BANK1: variants seen among roughly 807,000 people sequenced by gnomAD.
BANK1 encodes B cell scaffold protein with ankyrin repeats 1.
In BANK1, 95 loss-of-function variants were observed where a neutral mutation model predicts 94.5. The ratio of observed to expected loss-of-function variants is 1.00; its 90% confidence interval spans 0.85 to 1.19. The LOEUF (loss-of-function observed/expected upper bound fraction) is 1.19, where lower values mean the gene tolerates loss of function less well. Among genes scored for constraint, BANK1 ranks in the 50% most tolerant of loss-of-function variants. The pLI is 0.00. For missense variants in BANK1, 987 were observed against 932.2 expected, an observed-to-expected ratio of 1.06 and a Z score of -0.77; for synonymous variants, 334 against 308.4, an observed-to-expected ratio of 1.08 and a Z score of -0.87.
At chr4:101,955,690 A>G (rs568267808) in intron 7 of BANK1, among the ~76,000 whole-genome samples, 8 of 152,322 alleles carry the variant, frequency 5.3e-5, no homozygotes, top group African/African-American at 1.4e-4. Context: ...ATATAAGATC[A>G]TTGACATTTT....
At chr4:101,835,503 TTC>T (rs537107912) in intron 2 of BANK1, among the ~76,000 whole-genome samples, 240 of 152,380 alleles carry the variant, frequency 1.6e-3, no homozygotes, top group African/African-American at 5.7e-3. Context: ...CATTTTGTTT[TTC>T]TGTTACCAAA....
intron 5 of BANK1, among the ~76,000 whole-genome samples, chr4:101,887,195 A>G (rs1470120877): frequency 6.6e-6 from 1 of 152,194 alleles, no homozygotes; most frequent in Non-Finnish European, 1.5e-5. Context: ...TAACAGTGAA[A>G]CTCTAGACAG....
At chr4:102,067,966 C>A (rs1279831961) in intron 13 of BANK1, among the ~76,000 whole-genome samples, 1 of 151,960 alleles carries the variant, frequency 6.6e-6, no homozygotes, top group Non-Finnish European at 1.5e-5. Flanking sequence ...AGATTTCAGT[C>A]TTTTAGAATC....
intron 2 of BANK1, among the ~76,000 whole-genome samples, chr4:101,838,710 C>T (rs1330100544): frequency 6.6e-6 from 1 of 152,154 alleles, no homozygotes; most frequent in Non-Finnish European, 1.5e-5. Flanking sequence ...AAGAAATCTA[C>T]CCTTATGTGA....
intron 2 of BANK1, among the ~76,000 whole-genome samples, chr4:101,833,275 G>A (rs550830576): frequency 6.6e-6 from 1 of 152,260 alleles, no homozygotes; most frequent in South Asian, 2.1e-4. Context: ...CACTGCACCT[G>A]GCCTCAAGTT....
intron 10 of BANK1, among the ~76,000 whole-genome samples, chr4:102,036,516 C>A (rs982524142): frequency 6.6e-6 from 1 of 152,090 alleles, no homozygotes; most frequent in Admixed American, 6.6e-5. Flanking sequence ...TTGTCCAAAC[C>A]ATTTAGTTTA....
rs535996067 is a variant in BANK1, at chr4:101,861,011, C to G, written c.625-1515C>G. On this transcript the variant is annotated intron_variant, in intron 3 of 16. Coordinates refer to ENST00000322953, the MANE Select transcript of BANK1 (RefSeq NM_017935.5). ...AGGAACAAAAGAACTGTACTAGAAGCGAGGCCCTGTGAGGAGGAGGTTGCA... is the reference window on the plus strand; with the variant it reads ...AGGAACAAAAGAACTGTACTAGAAGGGAGGCCCTGTGAGGAGGAGGTTGCA... 7.2e-5 allele frequency among the ~76,000 whole-genome samples: 11 copies of G among 152,222 alleles called. No homozygotes were observed. In the South Asian group the frequency reaches 2.3e-3, roughly 32 times the overall value.
intron 7 of BANK1, among the ~76,000 whole-genome samples, chr4:101,974,351 C>T (rs939564012): frequency 3.9e-5 from 6 of 152,042 alleles, no homozygotes; most frequent in African/African-American, 1.4e-4. Context: ...AACAACCTGC[C>T]TAAATACTAT....
intron 7 of BANK1, among the ~76,000 whole-genome samples, chr4:101,923,634 T>G (rs530375676): frequency 6.6e-6 from 1 of 151,828 alleles, no homozygotes; most frequent in African/African-American, 2.4e-5. Flanking sequence ...TGAAATCATG[T>G]GGAATTTGTG....
intron 7 of BANK1, among the ~76,000 whole-genome samples, chr4:102,014,863 T>C (rs1726639895): frequency 6.6e-6 from 1 of 152,164 alleles, no homozygotes; most frequent in Non-Finnish European, 1.5e-5. Flanking sequence ...AATTCACTCT[T>C]AATATCTTAT....
At chr4:102,046,463 T>A (rs188349436) in intron 11 of BANK1, among the ~76,000 whole-genome samples, 2 of 152,186 alleles carry the variant, frequency 1.3e-5, no homozygotes, top group Admixed American at 1.3e-4. Flanking sequence ...GAAGGTCAAG[T>A]AAGAAAAATT....
In BANK1 at chr4:102,010,179, G is replaced by T. The variant is rs1420755674; in HGVS notation, c.1207-11335G>T. Among the ~76,000 whole-genome samples, 2 of 151,682 alleles carry T rather than the reference G, an allele frequency of 1.3e-5. 1 individual carries two copies. The highest frequency in any genetic ancestry group is 4.8e-5 in the African/African-American group (2 of 41,434). On this transcript the variant is annotated intron_variant, in intron 7 of 16. Transcript: ENST00000322953. ...ACTCGGGAGGCTGAGGCAGGAGAAT[G>T]GCGTGAACCCGGGAGGCAGAGCTTG...
At chr4:101,824,951 A>C (rs897168513) in intron 1 of BANK1, among the ~76,000 whole-genome samples, 2 of 152,168 alleles carry the variant, frequency 1.3e-5, no homozygotes, top group Admixed American at 1.3e-4. Context: ...TTATTGATAA[A>C]TATTTCTTTC....
intron 1 of BANK1, among the ~76,000 whole-genome samples, chr4:101,826,024 C>T (rs1310527349): frequency 1.3e-5 from 2 of 152,014 alleles, no homozygotes; most frequent in East Asian, 3.8e-4. Context: ...TTAACATCTA[C>T]TCATAGCTTA....
chr4:101,875,181 C>T (rs532260161), intron 5 of BANK1, among the ~76,000 whole-genome samples: 2 of 149,828 alleles, frequency 1.3e-5, no homozygotes, highest in African/African-American at 5.0e-5. Context: ...CCAACCTTCA[C>T]TGATCCTCTG....
intron 7 of BANK1, among the ~76,000 whole-genome samples, chr4:101,944,976 G>A (rs1029282423): frequency 6.6e-6 from 1 of 151,920 alleles, no homozygotes; most frequent in Non-Finnish European, 1.5e-5. Flanking sequence ...GCAATAGTCA[G>A]GTCCTAGATA....
chr4:102,063,678 C>T (rs1467896085), intron 13 of BANK1, among the ~76,000 whole-genome samples: 4 of 151,654 alleles, frequency 2.6e-5, no homozygotes, highest in African/African-American at 7.3e-5. Context: ...AAAAATTAGC[C>T]GGCCATGATG....
chr4:102,064,032 A>G (rs1728512115), intron 13 of BANK1, among the ~76,000 whole-genome samples: 1 of 152,106 alleles, frequency 6.6e-6, no homozygotes, highest in Non-Finnish European at 1.5e-5. Context: ...AATAAACAAC[A>G]CATTCCAAAA....
intron 2 of BANK1, among the ~76,000 whole-genome samples, chr4:101,847,066 G>C (rs984277219): frequency 3.3e-5 from 5 of 152,078 alleles, no homozygotes; most frequent in Non-Finnish European, 5.9e-5. Flanking sequence ...ATTGCAAGTC[G>C]TATGAAGGAA....
Sources: allele counts gnomAD v4.1 joint callset (sites outside exome capture counted in the v4.1 genomes callset), GRCh38; gene constraint gnomAD v4.1.1; transcripts MANE v1.5; gene names NCBI Gene and HGNC (gene_info 2026-07-23, HGNC 2026-07-21).